The following ITPR2 variants were observed in gnomAD, a reference collection of about 807,000 sequenced individuals.
ITPR2 encodes the protein inositol 1,4,5-trisphosphate receptor type 2.
ITPR2 carries 207 observed loss-of-function variants against 317.1 expected under a neutral mutation model. That is an observed-to-expected ratio of 0.65 (90% CI 0.58 to 0.73). ITPR2 has a LOEUF of 0.73. Among genes scored for constraint, ITPR2 ranks in the 30% least tolerant of loss-of-function variants. ITPR2 has a pLI of 0.00. For missense variants in ITPR2, 2,613 were observed against 3,284.0 expected, an observed-to-expected ratio of 0.80 and a Z score of 4.99; for synonymous variants, 1,156 against 1,149.1, an observed-to-expected ratio of 1.01 and a Z score of -0.12.
In ITPR2 at chr12:26,470,090, G is replaced by A. The variant is rs184546987; in HGVS notation, c.6342+5206C>T. ...ATCACTCATTCACATACCCCATCTGGCCTTGAAGATGGCTAGATTTTGGCC... is the reference window on the plus strand; with the variant it reads ...ATCACTCATTCACATACCCCATCTGACCTTGAAGATGGCTAGATTTTGGCC... On this transcript the variant is annotated intron_variant, in intron 45 of 56. Transcript: ENST00000381340. Among the ~76,000 whole-genome samples the A allele has an allele frequency of 2.6e-5, 4 of 152,206 alleles. No individual in the cohort carries two copies. The East Asian group carries it at 5.8e-4, about 22-fold the overall frequency.
At chr12:26,430,556 G>A (rs1481111237) in intron 48 of ITPR2, among the ~76,000 whole-genome samples, 2 of 152,132 alleles carry the variant, frequency 1.3e-5, no homozygotes, top group African/African-American at 2.4e-5. Flanking sequence ...GAGCCACCTC[G>A]CTGAGCTGAC....
chr12:26,379,218 A>G (rs12315000), intron 55 of ITPR2, among the ~76,000 whole-genome samples: 2,447 of 152,290 alleles, frequency 0.016, 67 homozygotes, highest in African/African-American at 0.055. Flanking sequence ...GGATAATAAG[A>G]ACAATAGGAT....
At chr12:26,653,248 T>TC (rs1947296715) in intron 21 of ITPR2, among the ~76,000 whole-genome samples, 1 of 145,410 alleles carries the variant, frequency 6.9e-6, no homozygotes, top group African/African-American at 2.6e-5. Flanking sequence ...TTTCTTTTTT[T>TC]TTTTTTTTTT....
chr12:26,425,740 A>C (rs1941040626), intron 49 of ITPR2, among the ~76,000 whole-genome samples: 1 of 151,930 alleles, frequency 6.6e-6, no homozygotes, highest in Non-Finnish European at 1.5e-5. Context: ...CAGATGTTCT[A>C]TGCTGTGAAA....
chr12:26,772,459 T>A (rs1381504543), intron 2 of ITPR2, among the ~76,000 whole-genome samples: 2 of 79,650 alleles, frequency 2.5e-5, no homozygotes, highest in African/African-American at 9.6e-5. Flanking sequence ...ATTATATATA[T>A]AATACATGTA....
intron 37 of ITPR2, among the ~76,000 whole-genome samples, chr12:26,519,244 A>C (rs1943604835): frequency 6.6e-6 from 1 of 152,178 alleles, no homozygotes; most frequent in Non-Finnish European, 1.5e-5. Context: ...ATTTTTATAA[A>C]TATCATTGTG....
intron 53 of ITPR2, among the ~76,000 whole-genome samples, 172 bp from the exon 54 acceptor site, chr12:26,399,213 T>G (rs1375294731): frequency 6.6e-6 from 1 of 152,248 alleles, no homozygotes; most frequent in East Asian, 1.9e-4. Flanking sequence ...AAAAACTTCC[T>G]AGCCTATTTC....
chr12:26,514,636 T>A (rs887105105), intron 37 of ITPR2, among the ~76,000 whole-genome samples: 1 of 152,192 alleles, frequency 6.6e-6, no homozygotes, highest in African/African-American at 2.4e-5. Flanking sequence ...CTTGCTACTG[T>A]TTGTACAGTT....
At chr12:26,488,531 G>A (rs1173346095) in intron 39 of ITPR2, among the ~76,000 whole-genome samples, 2 of 152,148 alleles carry the variant, frequency 1.3e-5, no homozygotes, top group Non-Finnish European at 2.9e-5. Flanking sequence ...AGCCTTAGAT[G>A]TCAGCTGCAC....
chr12:26,430,927 C>T (rs1941187903), intron 48 of ITPR2, among the ~76,000 whole-genome samples: 1 of 152,162 alleles, frequency 6.6e-6, no homozygotes. Context: ...CTTTCTGTTT[C>T]CTCTGCCTCA....
At chr12:26,393,615 C>T (rs1260662215) in intron 54 of ITPR2, among the ~76,000 whole-genome samples, 3 of 152,168 alleles carry the variant, frequency 2.0e-5, no homozygotes, top group Admixed American at 6.5e-5. Context: ...TTCTATTTTA[C>T]AATATTCTAT....
rs771629804 is a variant in ITPR2 at position 26,340,217 on chromosome 12, T to C, written c.7969A>G (p.Met2657Val). The C allele has an allele frequency of 2.5e-6, 4 of 1,610,562 alleles. No homozygotes were observed. Among genetic ancestry groups the C allele is most frequent in the Middle Eastern group, 1.6e-4 (1 of 6,076 alleles). Residue 2657 changes from methionine to valine, a missense_variant, in exon 56 of 57, where the codon ATG becomes GTG. Physicochemically the swap from Met to Val is conservative, Grantham distance 21. Coordinates refer to ENST00000381340, the MANE Select transcript of ITPR2 (RefSeq NM_002223.4). ...CCCGACAGCTGTTTGACCAGACTCA[T>C]GGTCGATTCCAACTTCTCCTGAAGG... ...RSLQEKLEST[M>V]SLVKQLSGQL...
Position 26,716,249 on chromosome 12 carries a change from A to G in ITPR2, c.526-7T>C. 6.3e-7 allele frequency: 1 copy of G among 1,585,630 alleles called. No homozygotes were observed. The highest frequency in any genetic ancestry group is 1.7e-5 in the Admixed American group (1 of 59,778). On this transcript the variant is annotated splice_polypyrimidine_tract_variant and splice_region_variant and intron_variant, in intron 5 of 56. Transcript: ENST00000381340. ...CTTTATCTCCTACAACAATCTAGGA[A>G]GCAGAAATAAATCACAATTGAGACA... is the stretch of plus-strand genomic sequence containing the variant.
intron 22 of ITPR2, among the ~76,000 whole-genome samples, chr12:26,631,115 T>C (rs1056185336): frequency 1.3e-5 from 2 of 152,204 alleles, no homozygotes; most frequent in Non-Finnish European, 1.5e-5. Context: ...CCTAGATTCC[T>C]AATAGGTACT....
intron 13 of ITPR2, among the ~76,000 whole-genome samples, chr12:26,678,429 A>AG (rs397688682): frequency 2.3e-4 from 35 of 149,838 alleles, no homozygotes; most frequent in East Asian, 7.8e-4. Flanking sequence ...AGAGAGAGAG[A>AG]AAAAAAAAAT....
At chr12:26,406,441 T>TG (rs1940355605) in intron 52 of ITPR2, 1 of 150,008 alleles carries the variant, frequency 6.7e-6, no homozygotes, top group Non-Finnish European at 1.5e-5. Flanking sequence ...TTTTTTTTTT[T>TG]TTTTTTTTTT....
At chr12:26,686,175 AATAT>A (rs1948120363) in intron 11 of ITPR2, among the ~76,000 whole-genome samples, 1 of 152,236 alleles carries the variant, frequency 6.6e-6, no homozygotes, top group East Asian at 1.9e-4. Context: ...ATAAATGATA[AATAT>A]ATAAATAGAA....
At chr12:26,666,121 T>C in intron 13 of ITPR2, 70 bp from the exon 14 acceptor site, 7 of 602,282 alleles carry the variant, frequency 1.2e-5, no homozygotes, top group Non-Finnish European at 1.5e-5. Flanking sequence ...AGATAGATGA[T>C]AGGTAGGTAG....
At chr12:26,775,009 G>C (rs1380568927) in intron 2 of ITPR2, among the ~76,000 whole-genome samples, 14 of 152,146 alleles carry the variant, frequency 9.2e-5, no homozygotes, top group Admixed American at 8.5e-4. Context: ...CACCAGGATT[G>C]AGCTTCACTA....
Sources: gnomAD v4.1 joint callset for allele counts (sites outside exome capture counted in the v4.1 genomes callset) on GRCh38, gnomAD v4.1.1 for gene constraint, MANE v1.5 for transcripts, NCBI Gene and HGNC (gene_info 2026-07-23, HGNC 2026-07-21) for gene names.